EPB41L2: variants seen among roughly 807,000 people sequenced by gnomAD.
EPB41L2 encodes band 4.1-like protein 2.
EPB41L2 carries 43 observed loss-of-function variants against 113.0 expected under a neutral mutation model. That is an observed-to-expected ratio of 0.38 (90% CI 0.30 to 0.49). EPB41L2 has a LOEUF of 0.49. EPB41L2 is among the 20% of genes least tolerant of loss of function. The pLI, the probability that EPB41L2 is intolerant of heterozygous loss-of-function variation, is 0.95. For missense variants in EPB41L2, 1,147 were observed against 1,223.4 expected (o/e 0.94, Z 0.93); for synonymous variants, 442 against 436.7 (o/e 1.01, Z -0.15).
intron 4 of EPB41L2, among the ~76,000 whole-genome samples, chr6:130,911,058 A>C (rs1165764354): frequency 4.6e-5 from 7 of 152,238 alleles, no homozygotes. Context: ...TCGTTCTTTT[A>C]TAAGGACACA....
intron 1 of EPB41L2, among the ~76,000 whole-genome samples, chr6:130,988,925 C>T (rs1025021783): frequency 6.6e-6 from 1 of 152,100 alleles, no homozygotes; most frequent in African/African-American, 2.4e-5. Context: ...CCTATCTCTA[C>T]TAAAAATCCA....
At chr6:130,900,232 A>G (rs1253902803) in intron 7 of EPB41L2, among the ~76,000 whole-genome samples, 1 of 152,116 alleles carries the variant, frequency 6.6e-6, no homozygotes, top group East Asian at 1.9e-4. Flanking sequence ...GTCAAATACC[A>G]TATTTTTTTT....
intron 1 of EPB41L2, among the ~76,000 whole-genome samples, chr6:131,016,615 G>A (rs1225987041): frequency 6.6e-6 from 1 of 151,730 alleles, no homozygotes; most frequent in Non-Finnish European, 1.5e-5. Flanking sequence ...GAAACAAGGG[G>A]GTCAGAAAAT....
At chr6:131,053,486 G>A (rs943736131) in intron 1 of EPB41L2, among the ~76,000 whole-genome samples, 1 of 151,004 alleles carries the variant, frequency 6.6e-6, no homozygotes, top group African/African-American at 2.4e-5. Flanking sequence ...AAAGGCCAGG[G>A]GAAGAAAAGC....
chr6:131,028,760 T>C (rs1006232504), intron 1 of EPB41L2, among the ~76,000 whole-genome samples: 5 of 152,354 alleles, frequency 3.3e-5, no homozygotes, highest in South Asian at 4.1e-4. Context: ...TATTTATATA[T>C]ACATGTTTTT....
chr6:130,933,557 A>G (rs1356905372), intron 3 of EPB41L2, among the ~76,000 whole-genome samples: 1 of 64,914 alleles, frequency 1.5e-5, no homozygotes, highest in Non-Finnish European at 2.7e-5. Flanking sequence ...AGTTTTTTTA[A>G]AAACCTATAT....
chr6:130,894,426 T>C lies in EPB41L2; in HGVS notation c.1405A>G (p.Ser469Gly). ...TTTGGCAGTTTGAATCCAATGGTAC[T>C]CTCAAACTGTTCCAGCTGGAATAAA... ...VRPAELEQFE[S>G]TIGFKLPNHR... The change falls in exon 10 of 20, where the codon AGT becomes GGT. Residue 469 changes from serine (S) to glycine (G), a missense_variant. Physicochemically the swap from Ser to Gly is moderately conservative, Grantham distance 56. Transcript: ENST00000337057. The C allele has an allele frequency of 6.2e-7, 1 of 1,613,830 alleles. No homozygotes were observed. The highest frequency in any genetic ancestry group is 1.3e-5 in the African/African-American group (1 of 75,028).
chr6:130,961,167 A>T (rs1222695594), intron 1 of EPB41L2, among the ~76,000 whole-genome samples: 1 of 152,224 alleles, frequency 6.6e-6, no homozygotes, highest in Non-Finnish European at 1.5e-5. Context: ...AAAATCCATC[A>T]TTAGTATAGT....
At chr6:130,898,479 TAAAACC>T (rs1250170834) in intron 8 of EPB41L2, among the ~76,000 whole-genome samples, 1 of 152,166 alleles carries the variant, frequency 6.6e-6, no homozygotes, top group African/African-American at 2.4e-5. Flanking sequence ...ACATATTTTT[TAAAACC>T]AAATTCATAT....
At chr6:130,992,943 T>G (rs979718576) in intron 1 of EPB41L2, among the ~76,000 whole-genome samples, 2 of 152,106 alleles carry the variant, frequency 1.3e-5, no homozygotes, top group African/African-American at 4.8e-5. Context: ...ATTCTTAGTA[T>G]CAGTCTGTCT....
At position 131,035,805 on chromosome 6, in the gene EPB41L2, T is replaced by TA. The variant is rs1173447377; in HGVS notation, c.-15+27349dup. On this transcript the variant is annotated intron_variant, in intron 1 of 19. Coordinates refer to ENST00000337057, the MANE Select transcript of EPB41L2 (RefSeq NM_001431.4). ...GGTTAAATGAGATAAGCAATATGCT[T>TA]AACAGTCCAGAGTTCAGAAGTGAGA... Among the ~76,000 whole-genome samples, 5 of 152,286 alleles carry TA rather than the reference T, an allele frequency of 3.3e-5. No individual in the cohort carries two copies. The East Asian group carries it at 7.7e-4, about 24-fold the overall frequency.
chr6:130,960,955 T>C (rs977140), intron 1 of EPB41L2, among the ~76,000 whole-genome samples: 119,203 of 152,068 alleles, frequency 0.78, 47,230 homozygotes, highest in East Asian at 1. Flanking sequence ...ATAATAGGTA[T>C]CTATTAAGTA....
intron 17 of EPB41L2, among the ~76,000 whole-genome samples, chr6:130,865,070 C>G (rs757263633): frequency 1.3e-5 from 2 of 152,278 alleles, no homozygotes; most frequent in Non-Finnish European, 2.9e-5. Flanking sequence ...CAGTGCTAAA[C>G]ATTTAGAGAA....
intron 12 of EPB41L2, chr6:130,881,750 A>G (rs1789379578): frequency 6.6e-6 from 1 of 152,178 alleles, no homozygotes; most frequent in Non-Finnish European, 1.5e-5. Flanking sequence ...ATGAGGCCCA[A>G]TCTTAGTGTT....
At chr6:130,997,188 G>A (rs1222461536) in intron 1 of EPB41L2, among the ~76,000 whole-genome samples, 1 of 152,100 alleles carries the variant, frequency 6.6e-6, no homozygotes, top group Non-Finnish European at 1.5e-5. Flanking sequence ...AGAATGAAAG[G>A]AATTTCCTGG....
chr6:130,940,464 C>CT (rs201049585), intron 3 of EPB41L2, among the ~76,000 whole-genome samples: 2,091 of 142,828 alleles, frequency 0.015, 29 homozygotes, highest in African/African-American at 0.022. Context: ...CTAAATATAT[C>CT]TTTTTTTTTT....
intron 1 of EPB41L2, among the ~76,000 whole-genome samples, chr6:130,978,092 C>A (rs1311584989): frequency 6.6e-6 from 1 of 152,216 alleles, no homozygotes; most frequent in Non-Finnish European, 1.5e-5. Context: ...AATTTCCCTT[C>A]TTTCTTTTCT....
intron 1 of EPB41L2, among the ~76,000 whole-genome samples, chr6:131,024,515 A>C (rs191778146): frequency 7.2e-5 from 11 of 152,294 alleles, no homozygotes; most frequent in African/African-American, 2.2e-4. Flanking sequence ...AGCACAAGCC[A>C]AAGCACCATA....
intron 1 of EPB41L2, among the ~76,000 whole-genome samples, chr6:131,045,711 G>T (rs1277166092): frequency 1.3e-5 from 2 of 152,134 alleles, no homozygotes; most frequent in Non-Finnish European, 2.9e-5. Flanking sequence ...TCTAGGAACA[G>T]CTTACTCGGT....
Sources: gnomAD v4.1 joint callset for allele counts (sites outside exome capture counted in the v4.1 genomes callset) on GRCh38, gnomAD v4.1.1 for gene constraint, MANE v1.5 for transcripts, NCBI Gene and HGNC (gene_info 2026-07-23, HGNC 2026-07-21) for gene names.